The following PKHD1 variants were observed in gnomAD, a reference collection of about 807,000 sequenced individuals.
PKHD1 encodes PKHD1 ciliary IPT domain containing fibrocystin/polyductin.
A neutral mutation model predicts 412.0 loss-of-function variants in PKHD1; 291 were observed. The ratio of observed to expected loss-of-function variants is 0.71; its 90% CI spans 0.64 to 0.78. The LOEUF is 0.78. Ranked by LOEUF, PKHD1 falls within the 30% of genes least tolerant of loss-of-function variation. The pLI, the probability that PKHD1 is intolerant of heterozygous loss-of-function variation, is 0.00. For synonymous variants in PKHD1, 1,777 were observed against 1,821.5 expected (o/e 0.98, Z 0.62); for missense variants, 4,825 against 4,950.7 (o/e 0.97, Z 0.76).
chr6:51,976,944 T>TAAAAAAAA lies in PKHD1; in HGVS notation c.5752-16926_5752-16919dup, dbSNP rs10671492. Among the ~76,000 whole-genome samples, 892 of 93,460 alleles carry TAAAAAAAA rather than the reference T, an allele frequency of 9.5e-3. 18 individuals are homozygous for TAAAAAAAA. The highest frequency in any genetic ancestry group is 0.015 in the South Asian group (37 of 2,456). The allele number at this position is 93,460 out of a possible 152,430, so 61.3% of individuals were successfully genotyped here. On this transcript the variant is annotated intron_variant, in intron 35 of 66. Coordinates refer to ENST00000371117, the MANE Select transcript of PKHD1 (RefSeq NM_138694.4). ...GCCTGGGTGATAGAGTGAGACTCCA[T>TAAAAAAAA]AAAAAAAAAAAAAAAAAAAACCTGA...
At chr6:51,943,647 G>A (rs1219467486) in intron 36 of PKHD1, among the ~76,000 whole-genome samples, 1 of 151,450 alleles carries the variant, frequency 6.6e-6, no homozygotes, top group African/African-American at 2.4e-5. Flanking sequence ...TAGATGTCCT[G>A]GATCCTCCCA....
chr6:51,693,691 T>C (rs1778439588), intron 60 of PKHD1, among the ~76,000 whole-genome samples: 1 of 152,202 alleles, frequency 6.6e-6, no homozygotes, highest in Non-Finnish European at 1.5e-5. Flanking sequence ...AAACATGGGA[T>C]GGCAGTGGTA....
intron 26 of PKHD1, 61 bp from the exon 27 acceptor site, chr6:52,043,195 T>C: frequency 7.7e-7 from 1 of 1,305,346 alleles, no homozygotes; most frequent in Non-Finnish European, 1.1e-6. Flanking sequence ...ATTACTTCAT[T>C]TGAGAGACCT....
chr6:51,743,542 A>G (rs1342517023), intron 60 of PKHD1, among the ~76,000 whole-genome samples: 1 of 152,110 alleles, frequency 6.6e-6, no homozygotes, highest in Non-Finnish European at 1.5e-5. Flanking sequence ...TAGGCTGAGG[A>G]TATAAATTGG....
intron 35 of PKHD1, among the ~76,000 whole-genome samples, chr6:52,004,888 A>T (rs1798862405): frequency 6.6e-6 from 1 of 152,186 alleles, no homozygotes; most frequent in Admixed American, 6.5e-5. Flanking sequence ...CAGTAGCTAT[A>T]GCCTGCTAGA....
At chr6:51,912,136 T>A (rs1024590380) in intron 38 of PKHD1, among the ~76,000 whole-genome samples, 180 bp from the exon 39 acceptor site, 1 of 152,120 alleles carries the variant, frequency 6.6e-6, no homozygotes, top group African/African-American at 2.4e-5. Flanking sequence ...ATGCTGATCA[T>A]TGCCCCAAAC....
chr6:52,037,518 G>A (rs954155147), intron 27 of PKHD1, among the ~76,000 whole-genome samples: 4 of 152,080 alleles, frequency 2.6e-5, no homozygotes, highest in African/African-American at 9.7e-5. Flanking sequence ...TAGAAAAAAT[G>A]GGCTAAGGAG....
At position 52,025,777 on chromosome 6, in the gene PKHD1, C is replaced by A; in HGVS notation, c.4033G>T (p.Gly1345Cys). The A allele has an allele frequency of 6.2e-7, 1 of 1,614,162 alleles. No individual in the cohort carries two copies. The highest frequency in any genetic ancestry group is 8.5e-7 in the Non-Finnish European group (1 of 1,180,032). Residue 1345 changes from glycine (G) to cysteine (C), a missense_variant, in exon 32 of 67, where the codon GGC (glycine) becomes TGC (cysteine). Physicochemically the swap from Gly to Cys is radical, Grantham distance 159. Transcript: ENST00000371117. ...GAGCATCCAGACAGGCTCACGTTGC[C>A]CTGGAAGGACTGTGTCTCAACATCA... ...NCDVETQSFQGNVSLSGCSIP... is the reference protein window; with the variant it reads ...NCDVETQSFQCNVSLSGCSIP...
chr6:51,978,685 A>G (rs1211656950), intron 35 of PKHD1, among the ~76,000 whole-genome samples: 1 of 152,196 alleles, frequency 6.6e-6, no homozygotes, highest in African/African-American at 2.4e-5. Flanking sequence ...TCTAGAATAC[A>G]AGTAGGGATC....
intron 48 of PKHD1, among the ~76,000 whole-genome samples, chr6:51,856,580 A>G (rs532180516): frequency 2.0e-5 from 3 of 152,232 alleles, no homozygotes; most frequent in African/African-American, 7.2e-5. Context: ...ATGAGGAACA[A>G]TTGACAGAGG....
intron 60 of PKHD1, among the ~76,000 whole-genome samples, chr6:51,687,725 A>AATGTTCTTGTCATAACATG (rs569259464): frequency 6.6e-6 from 1 of 152,216 alleles, no homozygotes; most frequent in Non-Finnish European, 1.5e-5. Context: ...ATCTGTGTCT[A>AATGTTCTTGTCATAACATG]ATGTTCTTGT....
intron 15 of PKHD1, among the ~76,000 whole-genome samples, 174 bp from the exon 16 acceptor site, chr6:52,058,775 ATC>A (rs1808209004): frequency 2.3e-5 from 1 of 42,840 alleles, no homozygotes; most frequent in South Asian, 4.4e-4. Context: ...CCAGCTCTCT[ATC>A]TATCTATCTA....
At chr6:51,643,709 G>A (rs759638822) in intron 63 of PKHD1, among the ~76,000 whole-genome samples, 6 of 151,820 alleles carry the variant, frequency 4.0e-5, no homozygotes, top group Non-Finnish European at 5.9e-5. Context: ...TTTAAATTCC[G>A]GGATACATGT....
Position 52,025,378 on chromosome 6 carries a change from GA to G in PKHD1, c.4431del (p.Leu1478PhefsTer3). On this transcript the variant is annotated frameshift_variant, in exon 32 of 67. Transcript: ENST00000371117. LOFTEE classifies it high-confidence loss of function. The stretch of plus-strand genomic sequence containing the variant: ...GGACTTGCCTCTTCCCTTATGAAAA[GA>G]GTGCAATTCCCCTGACACTCGCTGG... ...GLTSECQGNCTLFIREEASPV... is the reference protein window; with the variant it reads ...GLTSECQGNCXLFIREEASPV... 1 of 1,613,052 alleles carries G rather than the reference GA, an allele frequency of 6.2e-7. No homozygotes were observed. The highest frequency in any genetic ancestry group is 8.5e-7 in the Non-Finnish European group (1 of 1,179,116).
At position 52,039,243 on chromosome 6, in the gene PKHD1, G is replaced by A. The variant is rs7775071; in HGVS notation, c.3098-3522C>T. Among the ~76,000 whole-genome samples, 77 of 152,116 alleles carry A rather than the reference G, an allele frequency of 5.1e-4. 1 individual carries two copies. Among genetic ancestry groups the A allele is most frequent in the African/African-American group, 1.7e-3 (71 of 41,480 alleles). The stretch of plus-strand genomic sequence containing the variant: ...TAACAAGCACTGGTGAGGGTGTGGA[G>A]ATATTGTGATATGGTTTGGCTCTGC... On this transcript the variant is annotated intron_variant, in intron 27 of 66. Coordinates refer to ENST00000371117, the MANE Select transcript of PKHD1 (RefSeq NM_138694.4).
Position 51,627,036 on chromosome 6 carries a change from A to C in PKHD1, c.11746T>G (p.Ser3916Ala). Residue 3916 changes from serine to alanine, a missense_variant, in exon 66 of 67, where the codon TCA becomes GCA. Coordinates refer to ENST00000371117, the MANE Select transcript of PKHD1 (RefSeq NM_138694.4). Reference sequence around the variant, plus strand: ...GTGTCTTCTTTTTTGGGCCCTTGTGATTCTCGGCGTTTGGATGAGATGTGG... The same window carrying C: ...GTGTCTTCTTTTTTGGGCCCTTGTGCTTCTCGGCGTTTGGATGAGATGTGG... ...HIHISSKRRESQGPKKEDTVV... is the reference protein window; with the variant it reads ...HIHISSKRREAQGPKKEDTVV... 1 of 1,613,426 alleles carries C rather than the reference A, an allele frequency of 6.2e-7. No homozygotes were observed. Among genetic ancestry groups the C allele is most frequent in the East Asian group, 2.2e-5 (1 of 44,848 alleles).
intron 35 of PKHD1, among the ~76,000 whole-genome samples, chr6:51,985,016 T>C (rs1297686340): frequency 5.4e-5 from 8 of 149,012 alleles, no homozygotes; most frequent in African/African-American, 1.7e-4. Context: ...TATTTTTCCA[T>C]AGAAAAAAAA....
chr6:51,761,916 C>T (rs1018048293), intron 55 of PKHD1, among the ~76,000 whole-genome samples: 31 of 152,022 alleles, frequency 2.0e-4, no homozygotes, highest in Admixed American at 2.0e-3. Context: ...AATGGCAGCG[C>T]TCCTTACCTA....
intron 63 of PKHD1, among the ~76,000 whole-genome samples, chr6:51,646,227 T>C (rs2254661): frequency 6.6e-6 from 1 of 152,286 alleles, no homozygotes; most frequent in South Asian, 2.1e-4. Context: ...TTGTGCATGA[T>C]TGGGACTCCC....
Sources: gnomAD v4.1 joint callset for allele counts (sites outside exome capture counted in the v4.1 genomes callset) on GRCh38, gnomAD v4.1.1 for gene constraint, MANE v1.5 for transcripts, NCBI Gene and HGNC (gene_info 2026-07-23, HGNC 2026-07-21) for gene names.